Variants in RTTN observed in about 807,000 individuals in gnomAD.
RTTN encodes rotatin.
In RTTN, 182 loss-of-function variants were observed where a neutral mutation model predicts 269.2. The ratio of observed to expected loss-of-function variants is 0.68; its 90% CI spans 0.60 to 0.76. The LOEUF (loss-of-function observed/expected upper bound fraction) is 0.76, where lower values mean the gene tolerates loss of function less well. Among genes scored for constraint, RTTN ranks in the 30% least tolerant of loss-of-function variants. The pLI, the probability that RTTN is intolerant of heterozygous loss-of-function variation, is 0.00. For synonymous variants in RTTN, 1,006 were observed against 963.5 expected, an observed-to-expected ratio of 1.04 and a Z score of -0.82; for missense variants, 2,545 against 2,608.6, an observed-to-expected ratio of 0.98 and a Z score of 0.53.
intron 14 of RTTN, among the ~76,000 whole-genome samples, chr18:70,161,489 G>A (rs758134038): frequency 7.2e-5 from 11 of 151,996 alleles, no homozygotes; most frequent in Non-Finnish European, 1.2e-4. Flanking sequence ...AGATAAGTGG[G>A]ACCTAATGAA....
At chr18:70,159,250 A>G (rs1349213908) in intron 14 of RTTN, among the ~76,000 whole-genome samples, 1 of 152,258 alleles carries the variant, frequency 6.6e-6, no homozygotes, top group African/African-American at 2.4e-5. Context: ...CTCAGGCCAC[A>G]GTGCAATAAA....
chr18:70,127,142 G>C (rs1257336164), intron 25 of RTTN, among the ~76,000 whole-genome samples: 1 of 152,142 alleles, frequency 6.6e-6, no homozygotes, highest in Non-Finnish European at 1.5e-5. Flanking sequence ...AAACAAAACA[G>C]CCTGTGGCAG....
chr18:70,101,283 C>A (rs924203454), intron 28 of RTTN, among the ~76,000 whole-genome samples: 6 of 152,164 alleles, frequency 3.9e-5, no homozygotes, highest in Non-Finnish European at 8.8e-5. Context: ...AGAAATTGAA[C>A]TTCTTCCTGG....
intron 44 of RTTN, among the ~76,000 whole-genome samples, chr18:70,021,757 G>T (rs2056711185): frequency 6.6e-6 from 1 of 152,162 alleles, no homozygotes; most frequent in Non-Finnish European, 1.5e-5. Flanking sequence ...GACAACCTGA[G>T]TTGGGTATCG....
At chr18:70,109,450 G>A in intron 28 of RTTN, 48 bp downstream of exon 28, 1 of 1,478,446 alleles carries the variant, frequency 6.8e-7, no homozygotes, top group South Asian at 1.1e-5. Flanking sequence ...CTGGCATAAA[G>A]TAAAAGCAAC....
intron 40 of RTTN, among the ~76,000 whole-genome samples, chr18:70,038,874 A>G (rs2057255465): frequency 6.6e-6 from 1 of 152,232 alleles, no homozygotes; most frequent in South Asian, 2.1e-4. Context: ...AATTTAACAG[A>G]GAGATTTAAA....
intron 40 of RTTN, among the ~76,000 whole-genome samples, chr18:70,047,242 A>G (rs905531854): frequency 6.6e-6 from 1 of 152,234 alleles, no homozygotes; most frequent in Admixed American, 6.5e-5. Context: ...TTTCAGTGAG[A>G]AGACAAAAAT....
intron 23 of RTTN, among the ~76,000 whole-genome samples, chr18:70,133,415 C>T (rs188092038): frequency 3.9e-5 from 6 of 152,232 alleles, no homozygotes; most frequent in African/African-American, 1.4e-4. Flanking sequence ...TATATTCCAA[C>T]AATGACACGT....
intron 32 of RTTN, among the ~76,000 whole-genome samples, chr18:70,085,315 G>C (rs1347769347): frequency 6.6e-6 from 1 of 152,110 alleles, no homozygotes; most frequent in South Asian, 2.1e-4. Context: ...TTACAAGCCT[G>C]GGATTTACAA....
At chr18:70,093,792 G>GT (rs1568366858) in intron 28 of RTTN, among the ~76,000 whole-genome samples, 1 of 152,086 alleles carries the variant, frequency 6.6e-6, no homozygotes, top group African/African-American at 2.4e-5. Flanking sequence ...CCAGATTTTG[G>GT]TATCAGGATG....
chr18:70,099,314 C>T (rs1020795714), intron 28 of RTTN, among the ~76,000 whole-genome samples: 4 of 152,106 alleles, frequency 2.6e-5, no homozygotes, highest in Admixed American at 2.0e-4. Context: ...TTCTCATTGT[C>T]GTTTTGATTT....
intron 32 of RTTN, among the ~76,000 whole-genome samples, chr18:70,085,820 C>G (rs1247774973): frequency 6.6e-6 from 1 of 152,044 alleles, no homozygotes; most frequent in Non-Finnish European, 1.5e-5. Context: ...CTGAGACTCC[C>G]AAGGAGGGAG....
intron 38 of RTTN, among the ~76,000 whole-genome samples, chr18:70,052,141 G>A (rs1023577949): frequency 2.0e-5 from 3 of 152,142 alleles, no homozygotes; most frequent in Non-Finnish European, 4.4e-5. Flanking sequence ...TCTCCACTCA[G>A]GTAAATGGAA....
intron 13 of RTTN, chr18:70,166,551 T>G (rs549816284): frequency 4.3e-4 from 87 of 200,026 alleles, no homozygotes; most frequent in South Asian, 8.0e-4. Flanking sequence ...AAAATCCACA[T>G]AAGAAAAAGG....
intron 25 of RTTN, among the ~76,000 whole-genome samples, chr18:70,126,003 AC>A (rs2059855565): frequency 6.6e-6 from 1 of 152,098 alleles, no homozygotes; most frequent in South Asian, 2.1e-4. Context: ...ATGATCAAAC[AC>A]AGGCCTAAAA....
At chr18:70,096,924 T>C (rs2059019757) in intron 28 of RTTN, among the ~76,000 whole-genome samples, 1 of 152,172 alleles carries the variant, frequency 6.6e-6, no homozygotes, top group Non-Finnish European at 1.5e-5. Context: ...GTCAAAAATT[T>C]AAAATTTTAA....
At chr18:70,104,309 T>C (rs2059261680) in intron 28 of RTTN, among the ~76,000 whole-genome samples, 1 of 152,218 alleles carries the variant, frequency 6.6e-6, no homozygotes, top group Non-Finnish European at 1.5e-5. Context: ...ATATGTCATG[T>C]AGTTCTTGTG....
intron 28 of RTTN, among the ~76,000 whole-genome samples, chr18:70,103,286 T>A (rs2059226196): frequency 6.7e-6 from 1 of 149,614 alleles, no homozygotes; most frequent in African/African-American, 2.5e-5. Flanking sequence ...GAACGGGCCA[T>A]GATGACTATG....
At chr18:70,087,954 T>C (rs747571652) in intron 31 of RTTN, 35 bp downstream of exon 31, 32 of 1,603,750 alleles carry the variant, frequency 2.0e-5, no homozygotes, top group Non-Finnish European at 2.6e-5. Context: ...TCACAAAGAA[T>C]TTCTAAGGAA....
Sources: gnomAD v4.1 joint callset for allele counts (sites outside exome capture counted in the v4.1 genomes callset) on GRCh38, gnomAD v4.1.1 for gene constraint, MANE v1.5 for transcripts, NCBI Gene and HGNC (gene_info 2026-07-23, HGNC 2026-07-21) for gene names.